The following ATOH8 variants were observed in gnomAD, a reference collection of about 807,000 sequenced individuals.
The protein encoded by ATOH8 is transcription factor ATOH8.
A neutral mutation model predicts 21.2 loss-of-function variants in ATOH8; 9 were observed. The ratio of observed to expected loss-of-function variants is 0.42; its 90% CI spans 0.26 to 0.74. ATOH8 has a LOEUF of 0.74. Ranked by LOEUF, ATOH8 falls within the 30% of genes least tolerant of loss-of-function variation. The probability of loss-of-function intolerance (pLI) is 0.24; values close to 1 mark genes in which losing one functional copy is unlikely to be tolerated. For synonymous variants in ATOH8, 253 were observed against 224.0 expected (o/e 1.13, Z -1.16); for missense variants, 524 against 470.9 (o/e 1.11, Z -1.04).
intron 2 of ATOH8, chr2:85,774,195 G>T: frequency 3.0e-6 from 3 of 985,508 alleles, no homozygotes; most frequent in Non-Finnish European, 3.6e-6. Context: ...GAGGAAGGAA[G>T]AGGAACCACT....
Position 85,754,128 on chromosome 2 carries a change from G to A in ATOH8, c.-62G>A. On this transcript the variant is annotated 5_prime_UTR_variant, in exon 1 of 3. Transcript: ENST00000306279. ...GAAGCGGGAGAGCCAGAGACTCCTC[G>A]GCGCTGAGCGCGGCGGCGGCCCGGG... The A allele has an allele frequency of 2.8e-6, 4 of 1,412,622 alleles. No individual in the cohort carries two copies. Among genetic ancestry groups the A allele is most frequent in the Non-Finnish European group, 3.7e-6 (4 of 1,089,430 alleles). The allele number at this position is 1,412,622 out of a possible 1,614,324, so 87.5% of individuals were successfully genotyped here.
Position 85,766,133 on chromosome 2 carries a change from G to T in ATOH8, c.960+1951G>T, listed in dbSNP as rs1001092861. Among the ~76,000 whole-genome samples the T allele has an allele frequency of 1.3e-5, 2 of 152,104 alleles. No homozygotes were observed. The highest frequency in any genetic ancestry group is 2.9e-5 in the Non-Finnish European group (2 of 68,026). On this transcript the variant is annotated intron_variant, in intron 2 of 2. Coordinates refer to ENST00000306279, the MANE Select transcript of ATOH8 (RefSeq NM_032827.7). This position sits in a 1 kb window ranked among gnomAD's most constrained non-coding sequence, Gnocchi z 4.0. ...TCATGGGCCACCGTGAAGATGAAAGGAGTTACTGCAGGAGAGCGTGTGGTG... is the reference window on the plus strand; with the variant it reads ...TCATGGGCCACCGTGAAGATGAAAGTAGTTACTGCAGGAGAGCGTGTGGTG...
At chr2:85,779,840 C>T (rs1467799698) in intron 2 of ATOH8, among the ~76,000 whole-genome samples, 2 of 152,200 alleles carry the variant, frequency 1.3e-5, no homozygotes, top group East Asian at 1.9e-4. Flanking sequence ...GGCAAGGAGC[C>T]GCCCTCCGTA....
At chr2:85,777,633 G>A (rs1680361599) in intron 2 of ATOH8, among the ~76,000 whole-genome samples, 1 of 152,188 alleles carries the variant, frequency 6.6e-6, no homozygotes, top group East Asian at 1.9e-4. Context: ...CAGTTATTGG[G>A]AAAGGGCCCA....
At chr2:85,774,772 C>G (rs1002742526) in intron 2 of ATOH8, 2 of 985,516 alleles carry the variant, frequency 2.0e-6, no homozygotes, top group Non-Finnish European at 2.4e-6. Flanking sequence ...CGGTCACTCC[C>G]TATGTCCCAA....
rs1680640990 is a variant in ATOH8, at chr2:85,787,135, C to T, written c.*245C>T. ...TGGTGGGGAGGGGAGAGCTCAGCCCCCGACTCACTCAGACCCCAAGGCCCA... is the reference window on the plus strand; with the variant it reads ...TGGTGGGGAGGGGAGAGCTCAGCCCTCGACTCACTCAGACCCCAAGGCCCA... On this transcript the variant is annotated 3_prime_UTR_variant, in exon 3 of 3. Coordinates refer to ENST00000306279, the MANE Select transcript of ATOH8 (RefSeq NM_032827.7). The T allele has an allele frequency of 3.6e-6, 2 of 549,156 alleles. No homozygotes were observed. The highest frequency in any genetic ancestry group is 3.2e-6 in the Non-Finnish European group (1 of 307,988). 34.0% of individuals were successfully genotyped at this position (549,156 alleles called of 1,614,324 possible).
At chr2:85,764,627 G>C (rs1377772968) in intron 2 of ATOH8, among the ~76,000 whole-genome samples, 1 of 152,300 alleles carries the variant, frequency 6.6e-6, no homozygotes, top group South Asian at 2.1e-4. Flanking sequence ...CTGAGGCTAT[G>C]CATTAAGGGC....
chr2:85,756,150 T>A (rs999602390), intron 1 of ATOH8, among the ~76,000 whole-genome samples: 5 of 133,364 alleles, frequency 3.7e-5, no homozygotes, highest in Non-Finnish European at 8.0e-5. Context: ...AGTGTCTTGC[T>A]TGGGCTTGGG....
chr2:85,772,395 C>T (rs570870225), intron 2 of ATOH8, among the ~76,000 whole-genome samples: 8 of 152,344 alleles, frequency 5.3e-5, no homozygotes, highest in African/African-American at 1.7e-4. Flanking sequence ...GAGGGTCCCC[C>T]GCCCGGCCGC....
intron 2 of ATOH8, among the ~76,000 whole-genome samples, chr2:85,767,319 G>T (rs1419659821): frequency 1.3e-5 from 2 of 151,968 alleles, no homozygotes; most frequent in South Asian, 2.1e-4. Context: ...TGAGTTTTTG[G>T]GAAGAGGTGA....
intron 2 of ATOH8, among the ~76,000 whole-genome samples, chr2:85,775,429 A>G (rs1420964315): frequency 6.6e-6 from 1 of 152,214 alleles, no homozygotes; most frequent in Non-Finnish European, 1.5e-5. Context: ...AGTTGGGCTC[A>G]TACCCTTGTT....
chr2:85,766,928 C>T lies in ATOH8; in HGVS notation c.960+2746C>T, dbSNP rs2104510824. Among the ~76,000 whole-genome samples, 1 of 152,274 alleles carries T rather than the reference C, an allele frequency of 6.6e-6. No homozygotes were observed. Among genetic ancestry groups the T allele is most frequent in the Admixed American group, 6.5e-5 (1 of 15,310 alleles). On this transcript the variant is annotated intron_variant, in intron 2 of 2. Transcript: ENST00000306279. This position sits in a 1 kb window ranked among gnomAD's most constrained non-coding sequence, Gnocchi z 4.0. ...CCAGCATAGCTGGCCTTAGCTGGTC[C>T]CCTCGGCAGATGTCCTGCCCCAGAG... is the stretch of plus-strand genomic sequence containing the variant.
chr2:85,755,192 G>A (rs551823284), intron 1 of ATOH8, among the ~76,000 whole-genome samples: 52 of 152,348 alleles, frequency 3.4e-4, no homozygotes, highest in African/African-American at 1.1e-3. Flanking sequence ...CCCCGCCTCG[G>A]GGGTAACGCT....
intron 2 of ATOH8, among the ~76,000 whole-genome samples, chr2:85,781,902 T>TA (rs1177243143): frequency 2.0e-5 from 3 of 150,330 alleles, no homozygotes; most frequent in Non-Finnish European, 4.4e-5. Flanking sequence ...TAAATAAAAA[T>TA]AAAAATAAAA....
intron 2 of ATOH8, among the ~76,000 whole-genome samples, chr2:85,786,365 G>A (rs910691439): frequency 2.0e-5 from 3 of 152,222 alleles, no homozygotes; most frequent in African/African-American, 7.2e-5. Context: ...TACAGATGAG[G>A]ACACTGAGGC....
At chr2:85,774,454 T>C (rs913603807) in intron 2 of ATOH8, 27 of 985,376 alleles carry the variant, frequency 2.7e-5, no homozygotes, top group Admixed American at 2.5e-4. Context: ...GCAGTTTCCA[T>C]GGGAAACAAC....
rs1243134673 is a variant in ATOH8 at position 85,789,512 on chromosome 2, G to C, written c.*2622G>C. Among the ~76,000 whole-genome samples the C allele has an allele frequency of 6.6e-6, 1 of 152,200 alleles. No individual in the cohort carries two copies. The highest frequency in any genetic ancestry group is 1.5e-5 in the Non-Finnish European group (1 of 68,042). ...CCATGGGACTTGCGTCTTAAATGGT[G>C]AGTAAAAGCTTTCTGAGCAGGGGAG... On this transcript the variant is annotated 3_prime_UTR_variant, in exon 3 of 3. Transcript: ENST00000306279.
At chr2:85,767,668 C>G (rs1368435841) in intron 2 of ATOH8, among the ~76,000 whole-genome samples, 1 of 151,174 alleles carries the variant, frequency 6.6e-6, no homozygotes, top group Non-Finnish European at 1.5e-5. Context: ...ACATAGTCCC[C>G]ACCATCATGC....
chr2:85,786,788 T>A, intron 2 of ATOH8, 97 bp from the exon 3 acceptor site: 1 of 1,587,034 alleles, frequency 6.3e-7, no homozygotes. Context: ...GGGGCCCCTC[T>A]GCCTGGAGGA....
Sources: gnomAD v4.1 joint callset for allele counts (sites outside exome capture counted in the v4.1 genomes callset) on GRCh38, gnomAD v4.1.1 for gene constraint, Gnocchi (gnomAD v3.1) non-coding constraint, MANE v1.5 for transcripts, NCBI Gene and HGNC (gene_info 2026-07-23, HGNC 2026-07-21) for gene names.